The following PTPRS variants were observed in gnomAD, a reference collection of about 807,000 sequenced individuals.
The protein encoded by PTPRS is protein tyrosine phosphatase receptor type S, also known as receptor-type tyrosine-protein phosphatase S.
A neutral mutation model predicts 215.3 loss-of-function variants in PTPRS; 63 were observed. The observed-to-expected ratio is 0.29, with a 90% CI of 0.24 to 0.36. PTPRS has a LOEUF of 0.36. Among genes scored for constraint, PTPRS ranks in the 10% least tolerant of loss-of-function variants. The probability of loss-of-function intolerance (pLI) is 1.00; values close to 1 mark genes in which losing one functional copy is unlikely to be tolerated. For synonymous variants in PTPRS, 1,404 were observed against 1,191.4 expected (o/e 1.18, Z -3.68); for missense variants, 2,258 against 2,825.8 (o/e 0.80, Z 4.56).
intron 33 of PTPRS, 108 bp downstream of exon 33, chr19:5,211,482 A>T: frequency 8.6e-7 from 1 of 1,162,450 alleles, no homozygotes. Context: ...TAAACAGCTC[A>T]GGGCTACCAG....
chr19:5,309,718 C>T (rs1031288756), intron 1 of PTPRS, among the ~76,000 whole-genome samples: 4 of 152,132 alleles, frequency 2.6e-5, no homozygotes, highest in African/African-American at 9.7e-5. Flanking sequence ...TCAACCCTAC[C>T]CTGCAGCCAA....
chr19:5,299,413 C>T (rs1025479132), intron 1 of PTPRS, among the ~76,000 whole-genome samples: 6 of 152,254 alleles, frequency 3.9e-5, no homozygotes, highest in African/African-American at 1.4e-4. Flanking sequence ...ATTTTCTTGT[C>T]ACTTTTCTTC....
chr19:5,320,734 T>C (rs575230303), intron 1 of PTPRS, among the ~76,000 whole-genome samples: 2 of 152,220 alleles, frequency 1.3e-5, no homozygotes, highest in East Asian at 1.9e-4. Flanking sequence ...CCTGGATTTC[T>C]TTACAATCGT....
At position 5,223,225 on chromosome 19, in the gene PTPRS, G is replaced by A; in HGVS notation, c.2567C>T (p.Ala856Val). 1.3e-6 allele frequency: 2 copies of A among 1,496,800 alleles called. No homozygotes were observed. Among genetic ancestry groups the A allele is most frequent in the Admixed American group, 2.2e-5 (1 of 45,358 alleles). The allele number at this position is 1,496,800 out of a possible 1,614,324, so 92.7% of individuals were successfully genotyped here. A position where few individuals can be genotyped will look rare whatever the true frequency, so the allele number is the denominator to read the frequency against. The change falls in exon 18 of 38, where the codon GCT becomes GTT. Residue 856 changes from alanine to valine, a missense_variant. Physicochemically the swap from Ala to Val is moderately conservative, Grantham distance 64. Transcript: ENST00000262963. ...CAGCACCTGGTCCTCCGCGGTGCCA[G>A]CCGGGGGCTCCCAGCGTGCCAGCAG... is the stretch of plus-strand genomic sequence containing the variant. ...GSLLARWEPP[A>V]GTAEDQVLGY... is the part of the protein sequence containing the mutation.
chr19:5,206,676 C>T lies in PTPRS; in HGVS notation c.*98G>A. ...ACACAGCTGCTGCCGCTGCCACCTC[C>T]TGCCCTGCCCACTGGGGGTCCAGGC... is the stretch of plus-strand genomic sequence containing the variant. On this transcript the variant is annotated 3_prime_UTR_variant, in exon 38 of 38. Transcript: ENST00000262963. 1 of 1,063,060 alleles carries T rather than the reference C, an allele frequency of 9.4e-7. No homozygotes were observed. The highest frequency in any genetic ancestry group is 1.4e-6 in the Non-Finnish European group (1 of 698,248). 65.9% of individuals were successfully genotyped at this position (1,063,060 alleles called of 1,614,324 possible).
intron 2 of PTPRS, among the ~76,000 whole-genome samples, chr19:5,281,902 C>T (rs2047882331): frequency 6.6e-6 from 1 of 152,320 alleles, no homozygotes; most frequent in South Asian, 2.1e-4. Flanking sequence ...GCTGTTCCTT[C>T]CTCCCAGGGT....
intron 1 of PTPRS, among the ~76,000 whole-genome samples, chr19:5,318,597 C>T (rs944982979): frequency 1.3e-5 from 2 of 152,106 alleles, no homozygotes; most frequent in African/African-American, 4.8e-5. Context: ...GAGCTGTTCA[C>T]ACCACCTGAG....
rs1451238232 is a variant in PTPRS at position 5,293,453 on chromosome 19, C to T, written c.-94-7219G>A. Reference sequence around the variant, plus strand: ...GGCGCGGAGAGCCTCCGCAGGAGTCCATGAAACACTGAGCGAAGGGGCGCC... The same window carrying T: ...GGCGCGGAGAGCCTCCGCAGGAGTCTATGAAACACTGAGCGAAGGGGCGCC... On this transcript the variant is annotated intron_variant, in intron 1 of 37. Coordinates refer to ENST00000262963, the MANE Select transcript of PTPRS (RefSeq NM_002850.4). This position sits in a 1 kb window ranked among gnomAD's most constrained non-coding sequence, Gnocchi z 8.4. Among the ~76,000 whole-genome samples, 3 of 151,930 alleles carry T rather than the reference C, an allele frequency of 2.0e-5. No homozygotes were observed. In the East Asian group the frequency reaches 5.9e-4, roughly 30 times the overall value.
In PTPRS at chr19:5,240,420, T is replaced by C; in HGVS notation, c.1571-88A>G. The C allele has an allele frequency of 1.7e-5, 22 of 1,322,706 alleles. No individual in the cohort carries two copies. In the South Asian group the frequency reaches 3.7e-4, roughly 22 times the overall value. The allele number at this position is 1,322,706 out of a possible 1,614,324, so 81.9% of individuals were successfully genotyped here. A position where few individuals can be genotyped will look rare whatever the true frequency, so the allele number is the denominator to read the frequency against. ...CCTGCTGAGTGTCCCCACTAAAAGATGCCAGCTCTGGGTGCTTCTAGAATG... is the reference window on the plus strand; with the variant it reads ...CCTGCTGAGTGTCCCCACTAAAAGACGCCAGCTCTGGGTGCTTCTAGAATG... On this transcript the variant is annotated intron_variant, in intron 11 of 37. Transcript: ENST00000262963.
chr19:5,228,651 C>T (rs928974113), intron 16 of PTPRS, among the ~76,000 whole-genome samples: 1 of 152,150 alleles, frequency 6.6e-6, no homozygotes, highest in Admixed American at 6.5e-5. Flanking sequence ...GCCAAGGGAC[C>T]AGTGCCAATT....
At chr19:5,314,219 C>A (rs1351378448) in intron 1 of PTPRS, among the ~76,000 whole-genome samples, 1 of 152,166 alleles carries the variant, frequency 6.6e-6, no homozygotes, top group African/African-American at 2.4e-5. Context: ...TTAAGCATGT[C>A]ATTTCCCTTC....
chr19:5,251,794 T>C lies in PTPRS; in HGVS notation c.718+4314A>G, dbSNP rs373510153. Among the ~76,000 whole-genome samples the C allele has an allele frequency of 9.2e-5, 14 of 152,162 alleles. No individual in the cohort carries two copies. In the East Asian group the frequency reaches 1.9e-3, roughly 21 times the overall value. On this transcript the variant is annotated intron_variant, in intron 9 of 37. Coordinates refer to ENST00000262963, the MANE Select transcript of PTPRS (RefSeq NM_002850.4). Reference sequence around the variant, plus strand: ...GTGATGAGGGTGGGATGAGAAGGTCTGGGTCTGATCTAACACTGCCTGCCC... The same window carrying C: ...GTGATGAGGGTGGGATGAGAAGGTCCGGGTCTGATCTAACACTGCCTGCCC...
At chr19:5,296,319 T>C (rs1005754775) in intron 1 of PTPRS, among the ~76,000 whole-genome samples, 51 of 151,966 alleles carry the variant, frequency 3.4e-4, no homozygotes, top group African/African-American at 1.1e-3. Flanking sequence ...CTGGGCAATA[T>C]AGCCCATCAT....
intron 2 of PTPRS, among the ~76,000 whole-genome samples, chr19:5,283,572 G>A (rs563527152): frequency 6.4e-4 from 96 of 150,584 alleles, no homozygotes; most frequent in African/African-American, 2.0e-3. Flanking sequence ...AGGAGACTCC[G>A]TCTCAAAAAA....
At chr19:5,216,396 G>C (rs922894132) in intron 26 of PTPRS, among the ~76,000 whole-genome samples, 1 of 152,080 alleles carries the variant, frequency 6.6e-6, no homozygotes, top group African/African-American at 2.4e-5. Flanking sequence ...AGACTTCCAT[G>C]TGTCCCTAGC....
intron 4 of PTPRS, 157 bp downstream of exon 4, chr19:5,273,285 G>T: frequency 1.1e-6 from 1 of 951,824 alleles, no homozygotes; most frequent in Non-Finnish European, 1.7e-6. Context: ...GTAGGCGCTG[G>T]GCCCTGAGAC....
chr19:5,329,193 A>T (rs995458681), intron 1 of PTPRS, among the ~76,000 whole-genome samples: 1 of 152,048 alleles, frequency 6.6e-6, no homozygotes, highest in East Asian at 1.9e-4. Flanking sequence ...AAACAGGAGA[A>T]GGATAGGTCT....
At position 5,215,524 on chromosome 19, in the gene PTPRS, T is replaced by C; in HGVS notation, c.4168A>G (p.Ser1390Gly). 2.5e-6 allele frequency: 4 copies of C among 1,612,100 alleles called. No individual in the cohort carries two copies. The highest frequency in any genetic ancestry group is 3.4e-6 in the Non-Finnish European group (4 of 1,178,626). ...EHTERLKAND[S>G]LKLSQEYESI... ...TCATACTCCTGGGAGAGCTTGAGGC[T>C]GTCGTTGGCCTTGAGCCGCTCCGTG... The change falls in exon 27 of 38, where the codon AGC becomes GGC. Residue 1390 changes from serine to glycine, a missense_variant. Around this residue, in one of 6 missense-constraint regions of PTPRS, gnomAD observed 927 missense variants for 1,125.9 expected, o/e 0.82. Transcript: ENST00000262963.
Position 5,218,791 on chromosome 19 carries a change from C to A in PTPRS, c.3931G>T (p.Asp1311Tyr), listed in dbSNP as rs370343222. 3.7e-6 allele frequency: 6 copies of A among 1,606,938 alleles called. No homozygotes were observed. The highest frequency in any genetic ancestry group is 2.2e-5 in the South Asian group (2 of 89,462). ...CGGGGGAGGGCTGGTTCTTACCTGT[C>A]GGGTTTGCTGTTCCCGAAAGCAGAC... ...IAILLYKNKP[D>Y]SKRKDSEPRT... Residue 1311 changes from aspartate to tyrosine, a missense_variant, in exon 24 of 38, where the codon GAC becomes TAC. Physicochemically the swap from Asp to Tyr is radical, Grantham distance 160 (BLOSUM62 -3). This residue lies in a region of PTPRS where 927 missense variants were observed against 1,125.9 expected (regional missense o/e 0.82). Transcript: ENST00000262963.
Sources: allele counts gnomAD v4.1 joint callset (sites outside exome capture counted in the v4.1 genomes callset), GRCh38; gene constraint gnomAD v4.1.1; regional missense constraint gnomAD v4.1.1; non-coding constraint Gnocchi (gnomAD v3.1); transcripts MANE v1.5; gene names NCBI Gene and HGNC (gene_info 2026-07-23, HGNC 2026-07-21).